The following DHX29 variants were observed in gnomAD, a reference collection of about 807,000 sequenced individuals.
The protein encoded by DHX29 is DExH-box helicase 29, also known as ATP-dependent RNA helicase DHX29.
A neutral mutation model predicts 167.9 loss-of-function variants in DHX29; 79 were observed. That is an observed-to-expected ratio of 0.47 (90% confidence interval 0.39 to 0.57). The LOEUF is 0.57. Ranked by LOEUF, DHX29 falls within the 20% of genes least tolerant of loss-of-function variation. The probability of loss-of-function intolerance (pLI) is 0.00; values close to 1 mark genes in which losing one functional copy is unlikely to be tolerated. For synonymous variants in DHX29, 530 were observed against 546.0 expected, an observed-to-expected ratio of 0.97 and a Z score of 0.41; for missense variants, 1,347 against 1,593.4, an observed-to-expected ratio of 0.85 and a Z score of 2.63.
Position 55,274,931 on chromosome 5 carries a change from G to C in DHX29, c.2507C>G (p.Ala836Gly). 6.2e-7 allele frequency: 1 copy of C among 1,613,878 alleles called. No homozygotes were observed. The highest frequency in any genetic ancestry group is 8.5e-7 in the Non-Finnish European group (1 of 1,179,872). ...YQKYSSRTQH[A>G]ILYMNPHKIN... ...TTTATGAGGATTCATGTATAGAATA[G>C]CATGCTGAGTGCGGCTGCTGTACTT... Residue 836 changes from alanine (A) to glycine (G), a missense_variant, in exon 15 of 27, where the codon GCT (alanine) becomes GGT (glycine). Transcript: ENST00000251636.
intron 14 of DHX29, among the ~76,000 whole-genome samples, chr5:55,275,725 C>CTATGTATGTATGTATGTATG (rs375674768): frequency 6.7e-6 from 1 of 148,760 alleles, no homozygotes. Flanking sequence ...GACAGCTTCA[C>CTATGTATGTATGTATGTATG]TATGTATGTA....
chr5:55,276,829 G>A (rs1230685529), intron 13 of DHX29, among the ~76,000 whole-genome samples: 1 of 152,106 alleles, frequency 6.6e-6, no homozygotes, highest in Non-Finnish European at 1.5e-5. Flanking sequence ...GGGAAGGGCA[G>A]CAACTCTTAA....
At chr5:55,307,152 G>A (rs1748912017) in intron 1 of DHX29, among the ~76,000 whole-genome samples, 1 of 152,230 alleles carries the variant, frequency 6.6e-6, no homozygotes, top group Non-Finnish European at 1.5e-5. Context: ...GGGGAGAAGT[G>A]TGAGTTAAAA....
chr5:55,290,194 A>C, intron 7 of DHX29, 24 bp downstream of exon 7: 1 of 1,596,114 alleles, frequency 6.3e-7, no homozygotes. Flanking sequence ...ACATTTATAC[A>C]TCTAAGTATT....
At chr5:55,267,930 CTGTT>C in intron 21 of DHX29, 108 bp from the exon 22 acceptor site, 2 of 665,968 alleles carry the variant, frequency 3.0e-6, no homozygotes, top group African/African-American at 1.9e-5. Flanking sequence ...TTTAAGTTGC[CTGTT>C]TATTTTCAAT....
chr5:55,262,756 T>A lies in DHX29; in HGVS notation c.3702A>T (p.Thr1234=). 1 of 1,614,128 alleles carries A rather than the reference T, an allele frequency of 6.2e-7. No homozygotes were observed. Among genetic ancestry groups the A allele is most frequent in the Non-Finnish European group, 8.5e-7 (1 of 1,179,992 alleles). ...ATTTTTCTGTAACATCCACTGACTT[T>A]GTATAGATTATCTTCCCCACATTGT... ...LYDNVGKIIY[T]KSVDVTEKLA... The change falls in exon 24 of 27, where the codon ACA becomes ACT. Residue 1234 remains threonine, a synonymous_variant. Coordinates refer to ENST00000251636, the MANE Select transcript of DHX29 (RefSeq NM_019030.4).
At position 55,275,030 on chromosome 5, in the gene DHX29, A is replaced by G; in HGVS notation, c.2428-20T>C. Reference sequence around the variant, plus strand: ...GTATTCCTAAAAGAAATCCAACCAGAGGGAGGTGAATAAAAATATTAAGTA... The same window carrying G: ...GTATTCCTAAAAGAAATCCAACCAGGGGGAGGTGAATAAAAATATTAAGTA... On this transcript the variant is annotated intron_variant, in intron 14 of 26. Transcript: ENST00000251636. 6.2e-7 allele frequency: 1 copy of G among 1,602,488 alleles called. No homozygotes were observed. The highest frequency in any genetic ancestry group is 8.5e-7 in the Non-Finnish European group (1 of 1,177,478).
intron 8 of DHX29, among the ~76,000 whole-genome samples, chr5:55,287,284 T>G (rs1484021241): frequency 6.6e-6 from 1 of 151,910 alleles, no homozygotes; most frequent in East Asian, 1.9e-4. Context: ...CTACTAAAAA[T>G]ACAAAAATTA....
chr5:55,264,548 A>G (rs1219795442), intron 23 of DHX29, among the ~76,000 whole-genome samples: 1 of 152,244 alleles, frequency 6.6e-6, no homozygotes, highest in Non-Finnish European at 1.5e-5. Context: ...ACACTAGAGA[A>G]GTCTTCCGTA....
intron 19 of DHX29, 30 bp downstream of exon 19, chr5:55,270,548 G>A (rs971424948): frequency 2.8e-5 from 45 of 1,613,718 alleles, no homozygotes; most frequent in Non-Finnish European, 3.7e-5. Context: ...ACTGGTTTAT[G>A]TGTTTTACAT....
At chr5:55,302,068 G>A (rs1748633181) in intron 1 of DHX29, among the ~76,000 whole-genome samples, 1 of 152,156 alleles carries the variant, frequency 6.6e-6, no homozygotes, top group Non-Finnish European at 1.5e-5. Flanking sequence ...CATGGCATAT[G>A]TAAAAAGATA....
intron 1 of DHX29, among the ~76,000 whole-genome samples, chr5:55,301,539 C>T (rs1471057460): frequency 2.6e-5 from 4 of 151,560 alleles, no homozygotes; most frequent in Admixed American, 2.6e-4. Flanking sequence ...CATGGAGAAA[C>T]CCCATCTCTA....
intron 25 of DHX29, among the ~76,000 whole-genome samples, chr5:55,260,698 T>A (rs1746273456): frequency 6.6e-6 from 1 of 152,206 alleles, no homozygotes. Flanking sequence ...GCACTTAAAA[T>A]TCACCTCTCC....
At chr5:55,290,867 T>C (rs1163875169) in intron 6 of DHX29, among the ~76,000 whole-genome samples, 2 of 151,902 alleles carry the variant, frequency 1.3e-5, no homozygotes, top group Admixed American at 1.3e-4. Context: ...ATACAAAAAT[T>C]AGCTGGGTGT....
intron 25 of DHX29, 81 bp from the exon 26 acceptor site, chr5:55,260,025 A>G (rs150140103): frequency 0.023 from 16,095 of 703,044 alleles, 259 homozygotes; most frequent in Non-Finnish European, 0.032. Flanking sequence ...GCAAGCCTAT[A>G]TTACAATCTG....
intron 23 of DHX29, among the ~76,000 whole-genome samples, chr5:55,266,287 C>A (rs1363449851): frequency 2.6e-5 from 4 of 151,298 alleles, no homozygotes; most frequent in Admixed American, 1.3e-4. Flanking sequence ...TGAGCCACTG[C>A]GCCCAGTCCT....
At chr5:55,302,482 T>G (rs1748652511) in intron 1 of DHX29, among the ~76,000 whole-genome samples, 1 of 151,104 alleles carries the variant, frequency 6.6e-6, no homozygotes, top group Non-Finnish European at 1.5e-5. Flanking sequence ...TAGCTAGGTG[T>G]GGTGGCTTGT....
chr5:55,272,455 G>A (rs1460748980), intron 17 of DHX29, among the ~76,000 whole-genome samples: 2 of 152,164 alleles, frequency 1.3e-5, no homozygotes, highest in African/African-American at 2.4e-5. Flanking sequence ...AAGTAGGGCT[G>A]GGTGCGGTGG....
In DHX29 at chr5:55,287,938, G is replaced by T. The variant is rs371436596; in HGVS notation, c.1066+1332C>A. On this transcript the variant is annotated intron_variant, in intron 8 of 26. Transcript: ENST00000251636. Reference sequence around the variant, plus strand: ...CACTCCAGCCTGAGCTGGAAAAAAAGAAAAAAAAAAAAAAAAGAAAGAAAG... The same window carrying T: ...CACTCCAGCCTGAGCTGGAAAAAAATAAAAAAAAAAAAAAAAGAAAGAAAG... 5.2e-3 allele frequency among the ~76,000 whole-genome samples: 421 copies of T among 81,738 alleles called. 1 individual carries two copies. Among genetic ancestry groups the T allele is most frequent in the African/African-American group, 0.018 (394 of 21,980 alleles). 53.6% of individuals were successfully genotyped at this position (81,738 alleles called of 152,430 possible).
Sources: allele counts gnomAD v4.1 joint callset (sites outside exome capture counted in the v4.1 genomes callset), GRCh38; gene constraint gnomAD v4.1.1; transcripts MANE v1.5; gene names NCBI Gene and HGNC (gene_info 2026-07-23, HGNC 2026-07-21).